Variants in GPR158 observed in about 807,000 individuals in gnomAD.
GPR158 encodes G protein-coupled receptor 158, also known as metabotropic glycine receptor.
In GPR158, 30 loss-of-function variants were observed where a neutral mutation model predicts 78.2. The ratio of observed to expected loss-of-function variants is 0.38; its 90% CI spans 0.29 to 0.52. GPR158 has a LOEUF of 0.52. Ranked by LOEUF, GPR158 falls within the 20% of genes least tolerant of loss-of-function variation. The pLI is 0.83. For synonymous variants in GPR158, 581 were observed against 591.1 expected (o/e 0.98, Z 0.25); for missense variants, 1,463 against 1,523.5 (o/e 0.96, Z 0.66).
At chr10:25,569,896 A>G (rs1257542238) in intron 6 of GPR158, among the ~76,000 whole-genome samples, 3 of 152,212 alleles carry the variant, frequency 2.0e-5, no homozygotes, top group African/African-American at 7.2e-5. Flanking sequence ...CACATTGCCT[A>G]GCATGATGCC....
At chr10:25,346,421 A>G (rs149034032) in intron 2 of GPR158, among the ~76,000 whole-genome samples, 2,501 of 152,052 alleles carry the variant, frequency 0.016, 28 homozygotes, top group Non-Finnish European at 0.024. Context: ...CATTATAAAC[A>G]AACATTTTTC....
chr10:25,415,221 T>G (rs1005882240), intron 4 of GPR158, among the ~76,000 whole-genome samples: 2 of 151,832 alleles, frequency 1.3e-5, no homozygotes, highest in African/African-American at 4.8e-5. Flanking sequence ...ATCAAGAAAG[T>G]AAAAAGAAAA....
chr10:25,489,085 C>T (rs984836908), intron 5 of GPR158, among the ~76,000 whole-genome samples: 1 of 151,978 alleles, frequency 6.6e-6, no homozygotes, highest in Non-Finnish European at 1.5e-5. Context: ...GAAAAGTAGA[C>T]AAAAACTTGT....
intron 5 of GPR158, among the ~76,000 whole-genome samples, chr10:25,530,738 G>C (rs1381118791): frequency 1.3e-5 from 2 of 152,186 alleles, no homozygotes; most frequent in Non-Finnish European, 2.9e-5. Context: ...ATCTTTAGAG[G>C]AAGTGACAGG....
In GPR158 at chr10:25,176,072, C is replaced by G; in HGVS notation, c.652C>G (p.Leu218Val). Residue 218 changes from leucine to valine, a missense_variant, in exon 1 of 11, where the codon CTG (leucine) becomes GTG (valine). By Grantham distance (32) the Leu-to-Val change is conservative. Transcript: ENST00000376351. This position sits in a 1 kb window ranked among gnomAD's most constrained non-coding sequence, Gnocchi z 6.3. ...CGCACCCCACCTGGCCAACGCCACT[C>G]TGGAGACCGAGTGGTTCCACGGCCT... ...SSAPHLANAT[L>V]ETEWFHGLRR... 1 of 1,602,224 alleles carries G rather than the reference C, an allele frequency of 6.2e-7. No individual in the cohort carries two copies. The highest frequency in any genetic ancestry group is 8.5e-7 in the Non-Finnish European group (1 of 1,174,964).
intron 2 of GPR158, among the ~76,000 whole-genome samples, chr10:25,238,567 T>A (rs1307504824): frequency 6.6e-6 from 1 of 152,242 alleles, no homozygotes; most frequent in Non-Finnish European, 1.5e-5. Context: ...CTGCTTATGA[T>A]AACTCTGTGA....
chr10:25,523,487 G>A (rs778010535), intron 5 of GPR158, among the ~76,000 whole-genome samples: 6 of 152,140 alleles, frequency 3.9e-5, no homozygotes, highest in Non-Finnish European at 7.3e-5. Context: ...TCCCGTAAAA[G>A]GTTTGCCAGG....
chr10:25,303,479 G>A (rs563591321), intron 2 of GPR158, among the ~76,000 whole-genome samples: 3 of 152,264 alleles, frequency 2.0e-5, no homozygotes, highest in Admixed American at 6.5e-5. Flanking sequence ...TATCGAATTT[G>A]TAGATAAAAC....
intron 5 of GPR158, among the ~76,000 whole-genome samples, chr10:25,486,615 A>G (rs774878788): frequency 3.3e-5 from 5 of 152,084 alleles, no homozygotes; most frequent in Non-Finnish European, 5.9e-5. Context: ...CTCACCCTCA[A>G]GTTTCTGATC....
chr10:25,587,996 C>T (rs1386083744), intron 7 of GPR158, among the ~76,000 whole-genome samples: 1 of 152,060 alleles, frequency 6.6e-6, no homozygotes, highest in Non-Finnish European at 1.5e-5. Flanking sequence ...CACTATCTTC[C>T]AGAAAGGTCA....
intron 2 of GPR158, among the ~76,000 whole-genome samples, chr10:25,394,347 T>C (rs1367440319): frequency 6.6e-6 from 1 of 152,216 alleles, no homozygotes; most frequent in Non-Finnish European, 1.5e-5. Flanking sequence ...GATTTCAAAT[T>C]TGTCTTTTCT....
intron 2 of GPR158, among the ~76,000 whole-genome samples, chr10:25,257,011 A>T (rs944014836): frequency 6.6e-6 from 1 of 152,200 alleles, no homozygotes; most frequent in African/African-American, 2.4e-5. Context: ...TATATGTCTT[A>T]GTTCATTTTC....
At chr10:25,215,501 A>C (rs2130675373) in intron 1 of GPR158, among the ~76,000 whole-genome samples, 1 of 152,174 alleles carries the variant, frequency 6.6e-6, no homozygotes, top group Non-Finnish European at 1.5e-5. Context: ...AAAATGGTTA[A>C]GATGGTAAAT....
chr10:25,481,152 C>A (rs1397529373), intron 5 of GPR158, among the ~76,000 whole-genome samples: 2 of 152,112 alleles, frequency 1.3e-5, no homozygotes, highest in Non-Finnish European at 2.9e-5. Context: ...TGAGCTCAAC[C>A]AGCAGGTGGG....
intron 2 of GPR158, among the ~76,000 whole-genome samples, chr10:25,387,714 C>G (rs1834241777): frequency 6.6e-6 from 1 of 152,052 alleles, no homozygotes; most frequent in African/African-American, 2.4e-5. Context: ...CAGGGTTTCA[C>G]CATGTTGGCT....
intron 5 of GPR158, among the ~76,000 whole-genome samples, chr10:25,480,073 CTTT>C: frequency 6.6e-6 from 1 of 152,034 alleles, no homozygotes; most frequent in Non-Finnish European, 1.5e-5. Context: ...TTATCTCTTT[CTTT>C]GTTTTTCTTA....
At chr10:25,177,068 A>G (rs568170889) in intron 1 of GPR158, among the ~76,000 whole-genome samples, 9 of 152,104 alleles carry the variant, frequency 5.9e-5, no homozygotes, top group Admixed American at 2.0e-4. Flanking sequence ...TCACACACTC[A>G]CATGATTTAT....
At chr10:25,220,411 G>T (rs1404984668) in intron 1 of GPR158, among the ~76,000 whole-genome samples, 1 of 152,186 alleles carries the variant, frequency 6.6e-6, no homozygotes, top group East Asian at 1.9e-4. Context: ...TTTGTGAGTT[G>T]TCTTTCTTAG....
At chr10:25,478,490 A>ATGTGTGTGTG (rs570190934) in intron 5 of GPR158, among the ~76,000 whole-genome samples, 1 of 138,032 alleles carries the variant, frequency 7.2e-6, no homozygotes, top group African/African-American at 3.1e-5. Flanking sequence ...GAAATATATA[A>ATGTGTGTGTG]TGCGTGTGTG....
Sources: allele counts gnomAD v4.1 joint callset (sites outside exome capture counted in the v4.1 genomes callset), GRCh38; gene constraint gnomAD v4.1.1; non-coding constraint Gnocchi (gnomAD v3.1); transcripts MANE v1.5; gene names NCBI Gene and HGNC (gene_info 2026-07-23, HGNC 2026-07-21).